Variants in TEX9 observed in about 807,000 individuals in gnomAD.
TEX9 encodes the protein testis expressed 9.
Under a neutral mutation model 59.6 loss-of-function variants are expected in TEX9, and 74 were observed. That is an observed-to-expected ratio of 1.24 (90% CI 1.03 to 1.51). TEX9 has a LOEUF of 1.51. Among genes scored for constraint, TEX9 ranks in the 40% most tolerant of loss-of-function variants. TEX9 has a pLI of 0.00. For missense variants in TEX9, 522 were observed against 447.8 expected, an observed-to-expected ratio of 1.17 and a Z score of -1.49; for synonymous variants, 186 against 152.2, an observed-to-expected ratio of 1.22 and a Z score of -1.64.
chr15:56,396,471 C>T (rs919897543), intron 9 of TEX9: 1 of 151,974 alleles, frequency 6.6e-6, no homozygotes, highest in Non-Finnish European at 1.5e-5. Flanking sequence ...CTAATTCCAC[C>T]ACCAGGCAAC....
At chr15:56,305,235 A>G (rs2045450428) in intron 1 of TEX9, among the ~76,000 whole-genome samples, 2 of 152,160 alleles carry the variant, frequency 1.3e-5, no homozygotes, top group South Asian at 4.1e-4. Flanking sequence ...TGCAATTCCT[A>G]TGAAAACACC....
intron 1 of TEX9, among the ~76,000 whole-genome samples, chr15:56,301,429 G>C (rs750624419): frequency 1.3e-4 from 20 of 151,994 alleles, no homozygotes; most frequent in Non-Finnish European, 2.5e-4. Flanking sequence ...CAATATTCAA[G>C]TATAAGAAGG....
intron 1 of TEX9, among the ~76,000 whole-genome samples, chr15:56,278,869 G>C (rs1385246786): frequency 6.6e-6 from 1 of 151,462 alleles, no homozygotes; most frequent in Non-Finnish European, 1.5e-5. Context: ...CTTAATCCAA[G>C]CTTAGAATTA....
chr15:56,244,574 C>T (rs1185700462), intron 1 of TEX9, among the ~76,000 whole-genome samples: 2 of 148,224 alleles, frequency 1.3e-5, no homozygotes, highest in Non-Finnish European at 3.0e-5. Flanking sequence ...TCCCCTCCAC[C>T]TCCCCACCCC....
intron 1 of TEX9, among the ~76,000 whole-genome samples, chr15:56,253,791 C>G (rs2141308729): frequency 6.6e-6 from 1 of 152,026 alleles, no homozygotes; most frequent in East Asian, 1.9e-4. Context: ...CTAAAAATTA[C>G]AGCTCTTCAC....
chr15:56,303,831 C>A (rs956672005), intron 1 of TEX9, among the ~76,000 whole-genome samples: 5 of 152,118 alleles, frequency 3.3e-5, no homozygotes, highest in Admixed American at 1.3e-4. Flanking sequence ...ACCGATACCA[C>A]AGAAATTCAA....
the TEX9 span, chr15:56,456,565 A>AT: frequency 1.3e-6 from 2 of 1,584,708 alleles, no homozygotes; most frequent in South Asian, 2.4e-5. Context: ...CTAGAATCAG[A>AT]TTTTTTTCAT....
intron 10 of TEX9, among the ~76,000 whole-genome samples, chr15:56,422,612 G>A (rs1422371549): frequency 6.6e-6 from 1 of 151,690 alleles, no homozygotes; most frequent in Non-Finnish European, 1.5e-5. Flanking sequence ...ATTGTCATAT[G>A]TTTTATCTAT....
At chr15:56,268,520 C>T (rs1006579330) in intron 1 of TEX9, among the ~76,000 whole-genome samples, 1 of 152,056 alleles carries the variant, frequency 6.6e-6, no homozygotes, top group Non-Finnish European at 1.5e-5. Context: ...ATTTATTGAG[C>T]GTTTTTAGCA....
chr15:56,284,140 C>G (rs746616213), intron 1 of TEX9, among the ~76,000 whole-genome samples: 15 of 142,876 alleles, frequency 1.0e-4, no homozygotes, highest in Non-Finnish European at 1.8e-4. Flanking sequence ...TGTCTTTTGA[C>G]CTAGTAATTA....
At chr15:56,442,471 A>G (rs774856640) in intron 12 of TEX9, among the ~76,000 whole-genome samples, 14 of 152,226 alleles carry the variant, frequency 9.2e-5, no homozygotes, top group Non-Finnish European at 5.9e-5. Flanking sequence ...CACAATGGCA[A>G]AGATATGGAA....
chr15:56,375,283 T>C (rs1457255061), intron 3 of TEX9, among the ~76,000 whole-genome samples: 2 of 152,236 alleles, frequency 1.3e-5, no homozygotes, highest in Non-Finnish European at 2.9e-5. Flanking sequence ...GAGCATTTTT[T>C]CATGTGTTTT....
At chr15:56,285,966 G>A (rs16976847) in intron 1 of TEX9, among the ~76,000 whole-genome samples, 8,961 of 152,210 alleles carry the variant, frequency 0.059, 676 homozygotes, top group East Asian at 0.37. Flanking sequence ...AGTGGCAGGA[G>A]TACAGTTTAA....
chr15:56,317,124 G>A (rs140595141), intron 1 of TEX9, among the ~76,000 whole-genome samples: 4,013 of 152,294 alleles, frequency 0.026, 172 homozygotes, highest in African/African-American at 0.092. Context: ...CGTCGCTCAC[G>A]CTGGGAGCTG....
intron 1 of TEX9, among the ~76,000 whole-genome samples, chr15:56,322,748 A>C (rs1003214449): frequency 6.6e-6 from 1 of 152,314 alleles, no homozygotes; most frequent in East Asian, 1.9e-4. Context: ...GTTTTGCCAG[A>C]TGTGTGTGAG....
chr15:56,318,892 A>C (rs547814162), intron 1 of TEX9, among the ~76,000 whole-genome samples: 9 of 152,218 alleles, frequency 5.9e-5, no homozygotes, highest in Admixed American at 2.0e-4. Flanking sequence ...ATAATTAATA[A>C]TTTATGCAGT....
chr15:56,313,147 T>G (rs2045666202), intron 1 of TEX9, among the ~76,000 whole-genome samples: 2 of 151,854 alleles, frequency 1.3e-5, no homozygotes, highest in South Asian at 4.2e-4. Flanking sequence ...TCCCTTCTTC[T>G]GCCTAATTGC....
intron 1 of TEX9, among the ~76,000 whole-genome samples, chr15:56,324,001 C>T (rs2045963307): frequency 1.3e-5 from 2 of 152,216 alleles, no homozygotes; most frequent in South Asian, 4.1e-4. Context: ...GTAGTATTTT[C>T]CATAGCCACA....
chr15:56,339,441 A>G (rs543177841), intron 1 of TEX9, among the ~76,000 whole-genome samples: 1 of 145,088 alleles, frequency 6.9e-6, no homozygotes, highest in South Asian at 2.3e-4. Context: ...CCCCTGGGCA[A>G]AACCATTCAT....
Sources: gnomAD v4.1 joint callset for allele counts (sites outside exome capture counted in the v4.1 genomes callset) on GRCh38, gnomAD v4.1.1 for gene constraint, MANE v1.5 for transcripts, NCBI Gene and HGNC (gene_info 2026-07-23, HGNC 2026-07-21) for gene names.